CDH9: variants seen among roughly 807,000 people sequenced by gnomAD.
The protein encoded by CDH9 is cadherin 9.
Under a neutral mutation model 70.9 loss-of-function variants are expected in CDH9, and 28 were observed. The observed-to-expected ratio is 0.40, with a 90% CI of 0.29 to 0.54. The LOEUF (loss-of-function observed/expected upper bound fraction) is 0.54. Ranked by LOEUF, CDH9 falls within the 20% of genes least tolerant of loss-of-function variation. The pLI, the probability that CDH9 is intolerant of heterozygous loss-of-function variation, is 0.59. For synonymous variants in CDH9, 409 were observed against 343.1 expected (o/e 1.19, Z -2.12); for missense variants, 874 against 984.4 (o/e 0.89, Z 1.50).
chr5:26,972,240 G>A (rs575744114), intron 2 of CDH9, among the ~76,000 whole-genome samples: 3 of 152,204 alleles, frequency 2.0e-5, no homozygotes, highest in Non-Finnish European at 2.9e-5. Flanking sequence ...AAAGTCAACT[G>A]GAAACATTGA....
intron 2 of CDH9, among the ~76,000 whole-genome samples, chr5:26,954,431 C>T (rs1174417612): frequency 2.0e-5 from 2 of 99,712 alleles, no homozygotes; most frequent in Non-Finnish European, 3.6e-5. Context: ...GTTGCCCAGG[C>T]TGGAGTGCAG....
chr5:26,961,388 C>G (rs1742032332), intron 2 of CDH9, among the ~76,000 whole-genome samples: 1 of 151,956 alleles, frequency 6.6e-6, no homozygotes, highest in Admixed American at 6.6e-5. Flanking sequence ...TATTCTTGGG[C>G]CAACATCTCC....
chr5:26,928,657 G>C (rs566291302), intron 2 of CDH9, among the ~76,000 whole-genome samples: 1 of 151,878 alleles, frequency 6.6e-6, no homozygotes, highest in African/African-American at 2.4e-5. Flanking sequence ...TAGACCAATC[G>C]AACAGAATAG....
Position 26,885,658 on chromosome 5 carries a change from G to T in CDH9, c.1838C>A (p.Thr613Lys). 1 of 1,613,640 alleles carries T rather than the reference G, an allele frequency of 6.2e-7. No homozygotes were observed. Among genetic ancestry groups the T allele is most frequent in the Non-Finnish European group, 8.5e-7 (1 of 1,179,772 alleles). ...EALILSAGLS[T>K]GALVAILLCV... ...GAGTAGAATCGCAACGAGAGCTCCC[G>T]TGCTCAGGCCGGCTGAAAGGATCAG... is the stretch of plus-strand genomic sequence containing the variant. The change falls in exon 11 of 12, where the codon ACG becomes AAG. Residue 613 changes from threonine (T) to lysine (K), a missense_variant. Transcript: ENST00000231021.
At chr5:26,998,959 A>G (rs1742716789) in intron 1 of CDH9, among the ~76,000 whole-genome samples, 1 of 152,056 alleles carries the variant, frequency 6.6e-6, no homozygotes. Context: ...TTAAAAACGC[A>G]CATGAGGCCG....
At chr5:26,902,999 A>T (rs1196550757) in intron 6 of CDH9, 2 of 313,620 alleles carry the variant, frequency 6.4e-6, no homozygotes, top group East Asian at 1.3e-4. Context: ...AAGTAAATGA[A>T]GTATTATCTA....
At chr5:26,953,070 A>T (rs991057837) in intron 2 of CDH9, among the ~76,000 whole-genome samples, 2 of 152,126 alleles carry the variant, frequency 1.3e-5, no homozygotes, top group Admixed American at 1.3e-4. Flanking sequence ...TAGTTTCTTC[A>T]CATTAACTTC....
intron 2 of CDH9, among the ~76,000 whole-genome samples, chr5:26,962,136 T>A (rs746561732): frequency 6.6e-6 from 1 of 152,140 alleles, no homozygotes; most frequent in Non-Finnish European, 1.5e-5. Context: ...ATCATCTATG[T>A]CCCTGCAAAG....
intron 7 of CDH9, among the ~76,000 whole-genome samples, chr5:26,897,018 C>T (rs1740764199): frequency 6.6e-6 from 1 of 151,842 alleles, no homozygotes; most frequent in African/African-American, 2.4e-5. Context: ...ATACAAACTA[C>T]CATTAGAGAA....
intron 7 of CDH9, among the ~76,000 whole-genome samples, chr5:26,899,115 A>T (rs1740805475): frequency 6.6e-6 from 1 of 152,176 alleles, no homozygotes. Flanking sequence ...TCAAAACCAC[A>T]ATGAGACACC....
intron 7 of CDH9, among the ~76,000 whole-genome samples, chr5:26,893,303 C>G (rs1464595505): frequency 6.6e-6 from 1 of 151,788 alleles, no homozygotes; most frequent in Non-Finnish European, 1.5e-5. Context: ...AGTATTTGGG[C>G]CTTTGGAAAA....
chr5:26,918,058 T>C (rs377596472), intron 2 of CDH9, among the ~76,000 whole-genome samples: 1 of 152,216 alleles, frequency 6.6e-6, no homozygotes, highest in Non-Finnish European at 1.5e-5. Context: ...TATAACCTTA[T>C]TTATACATCC....
intron 2 of CDH9, among the ~76,000 whole-genome samples, chr5:26,922,224 G>A (rs1392507916): frequency 6.6e-6 from 1 of 151,820 alleles, no homozygotes; most frequent in African/African-American, 2.4e-5. Context: ...AATATTCAAG[G>A]ACAAGAAGTT....
chr5:26,919,588 G>A (rs937923087), intron 2 of CDH9, among the ~76,000 whole-genome samples: 11 of 152,112 alleles, frequency 7.2e-5, no homozygotes, highest in African/African-American at 2.7e-4. Context: ...ACACCAACTA[G>A]GGCAGCCAAA....
intron 1 of CDH9, among the ~76,000 whole-genome samples, chr5:26,989,755 G>A (rs1020864011): frequency 6.6e-6 from 1 of 152,092 alleles, no homozygotes; most frequent in African/African-American, 2.4e-5. Context: ...TATGAATTCA[G>A]TAATGGGAAT....
chr5:26,943,825 T>C (rs1478485304), intron 2 of CDH9, among the ~76,000 whole-genome samples: 2 of 152,222 alleles, frequency 1.3e-5, no homozygotes, highest in Admixed American at 6.5e-5. Context: ...TAAGTAATGC[T>C]AATTACATCA....
intron 2 of CDH9, among the ~76,000 whole-genome samples, chr5:26,984,947 A>G (rs1483613554): frequency 6.6e-6 from 1 of 152,176 alleles, no homozygotes; most frequent in South Asian, 2.1e-4. Flanking sequence ...GCCATAAAAA[A>G]TTCTGCAGTA....
Position 26,903,693 on chromosome 5 carries a change from T to C in CDH9, c.943A>G (p.Met315Val), listed in dbSNP as rs755145641. 6.8e-6 allele frequency: 11 copies of C among 1,610,496 alleles called. No homozygotes were observed. The highest frequency in any genetic ancestry group is 3.4e-6 in the Non-Finnish European group (4 of 1,177,200). ...TCCTTGTCAGTGATGACATCGAACATGTCTGCACCATCTCCTTCAGCAATG... is the reference window on the plus strand; with the variant it reads ...TCCTTGTCAGTGATGACATCGAACACGTCTGCACCATCTCCTTCAGCAATG... ...YSIAEGDGAD[M>V]FDVITDKDTQ... Residue 315 changes from methionine to valine, a missense_variant, in exon 6 of 12, where the codon ATG becomes GTG. Met to Val is a conservative substitution (Grantham distance 21, BLOSUM62 1). Transcript: ENST00000231021.
At chr5:26,941,522 C>A (rs1391447392) in intron 2 of CDH9, among the ~76,000 whole-genome samples, 1 of 152,172 alleles carries the variant, frequency 6.6e-6, no homozygotes, top group Non-Finnish European at 1.5e-5. Flanking sequence ...CAGACTATTG[C>A]CTATCACAGT....
Sources: gnomAD v4.1 joint callset for allele counts (sites outside exome capture counted in the v4.1 genomes callset) on GRCh38, gnomAD v4.1.1 for gene constraint, MANE v1.5 for transcripts, NCBI Gene and HGNC (gene_info 2026-07-23, HGNC 2026-07-21) for gene names.